ANKRD31: variants seen among roughly 807,000 people sequenced by gnomAD.
ANKRD31 encodes the protein ankyrin repeat domain-containing protein 31.
Under a neutral mutation model 186.0 loss-of-function variants are expected in ANKRD31, and 147 were observed. The observed-to-expected ratio is 0.79, with a 90% CI of 0.69 to 0.91. ANKRD31 has a LOEUF of 0.91. Among genes scored for constraint, ANKRD31 ranks in the 40% least tolerant of loss-of-function variants. ANKRD31 has a pLI of 0.00. For missense variants in ANKRD31, 1,986 were observed against 2,148.8 expected (o/e 0.92, Z 1.50); for synonymous variants, 673 against 736.4 (o/e 0.91, Z 1.39).
chr5:75,088,666 G>C (rs1279767820), intron 23 of ANKRD31, among the ~76,000 whole-genome samples: 1 of 152,178 alleles, frequency 6.6e-6, no homozygotes, highest in Admixed American at 6.5e-5. Flanking sequence ...CATAAATACA[G>C]AAAAGAATGT....
rs1747205543 is a variant in ANKRD31 at position 75,104,897 on chromosome 5, AT to A, written c.4661del (p.Asn1554IlefsTer6). 1 of 1,537,086 alleles carries A rather than the reference AT, an allele frequency of 6.5e-7. No individual in the cohort carries two copies. Among genetic ancestry groups the A allele is most frequent in the Non-Finnish European group, 8.7e-7 (1 of 1,146,890 alleles). The stretch of plus-strand genomic sequence containing the variant: ...CCTCTGAATTTAGACAAATGTTGGT[AT>A]TTTGGCTGTAGTTCCAAGTTTCCAG... ...LSLETWNYSQ[N>X]TNICLNSEAV... On this transcript the variant is annotated frameshift_variant, in exon 22 of 26. Transcript: ENST00000506364. LOFTEE classifies it high-confidence loss of function.
chr5:75,160,244 T>C (rs1372340554), intron 11 of ANKRD31, among the ~76,000 whole-genome samples: 1 of 152,158 alleles, frequency 6.6e-6, no homozygotes, highest in Non-Finnish European at 1.5e-5. Flanking sequence ...ACAATGTTTC[T>C]ATATCTCACT....
intron 16 of ANKRD31, 73 bp from the exon 17 acceptor site, chr5:75,138,071 A>T: frequency 7.8e-7 from 1 of 1,283,334 alleles, no homozygotes; most frequent in Non-Finnish European, 1.0e-6. Flanking sequence ...TGTATTACTA[A>T]GGTTTTGTTG....
At chr5:75,081,562 C>A (rs1489561301) in intron 24 of ANKRD31, among the ~76,000 whole-genome samples, 1 of 152,086 alleles carries the variant, frequency 6.6e-6, no homozygotes, top group African/African-American at 2.4e-5. Context: ...GAACAGATGA[C>A]CTTCATGATA....
chr5:75,107,462 T>A (rs1747418805), intron 21 of ANKRD31, 59 bp downstream of exon 21: 7 of 1,217,446 alleles, frequency 5.7e-6, no homozygotes, highest in Admixed American at 5.2e-5. Flanking sequence ...CTATTGCAGC[T>A]AAAAATGGAT....
intron 5 of ANKRD31, among the ~76,000 whole-genome samples, chr5:75,204,242 T>C (rs1398101727): frequency 1.3e-5 from 2 of 152,200 alleles, no homozygotes; most frequent in East Asian, 3.8e-4. Flanking sequence ...CATTCTTCTT[T>C]ATTTCTATAC....
At chr5:75,180,308 C>T (rs1561510807) in intron 10 of ANKRD31, among the ~76,000 whole-genome samples, 1 of 152,058 alleles carries the variant, frequency 6.6e-6, no homozygotes, top group Non-Finnish European at 1.5e-5. Flanking sequence ...GCCATACTGC[C>T]CAAGGTAATT....
intron 11 of ANKRD31, among the ~76,000 whole-genome samples, chr5:75,166,442 G>A (rs1752928343): frequency 6.6e-6 from 1 of 152,148 alleles, no homozygotes; most frequent in Non-Finnish European, 1.5e-5. Flanking sequence ...CTACACTCCA[G>A]CCTGGGTGAT....
At chr5:75,081,013 C>G (rs1434197889) in intron 24 of ANKRD31, among the ~76,000 whole-genome samples, 2 of 152,104 alleles carry the variant, frequency 1.3e-5, no homozygotes, top group African/African-American at 4.8e-5. Context: ...GAAAGATTCT[C>G]TCCTGAGAGT....
rs552061904 is a variant in ANKRD31 at position 75,140,547 on chromosome 5, T to C, written c.3596-1564A>G. Among the ~76,000 whole-genome samples the C allele has an allele frequency of 3.3e-5, 5 of 152,342 alleles. No individual in the cohort carries two copies. The East Asian group carries it at 7.7e-4, about 24-fold the overall frequency. On this transcript the variant is annotated intron_variant, in intron 15 of 25. Transcript: ENST00000506364. ...AATGATCCTCACCATCTGGTATTTA[T>C]GACTTTGTGTACTCTTCTTCTCTTG... is the stretch of plus-strand genomic sequence containing the variant.
At position 75,226,411 on chromosome 5, in the gene ANKRD31, C is replaced by T. The variant is rs184140464; in HGVS notation, c.179-4053G>A. Among the ~76,000 whole-genome samples, 164 of 152,226 alleles carry T rather than the reference C, an allele frequency of 1.1e-3. 1 individual carries two copies. Among genetic ancestry groups the T allele is most frequent in the Middle Eastern group, 0.01 (3 of 294 alleles). On this transcript the variant is annotated intron_variant, in intron 2 of 25. Transcript: ENST00000506364. The stretch of plus-strand genomic sequence containing the variant: ...TGGTGGCTATAGGGGTACTCCACGT[C>T]TGTCCCAGTGGTGGTAGCCACAGGA...
At chr5:75,093,175 A>G (rs1746055110) in intron 22 of ANKRD31, among the ~76,000 whole-genome samples, 1 of 152,190 alleles carries the variant, frequency 6.6e-6, no homozygotes, top group Non-Finnish European at 1.5e-5. Context: ...TTGAAGAAAT[A>G]TATGCCTAAA....
intron 1 of ANKRD31, among the ~76,000 whole-genome samples, chr5:75,231,538 G>A (rs1580605974): frequency 6.6e-6 from 1 of 152,016 alleles, no homozygotes; most frequent in Admixed American, 6.5e-5. Flanking sequence ...ATGCTATTAG[G>A]CAAACTAAAA....
At position 75,105,846 on chromosome 5, in the gene ANKRD31, T is replaced by C. The variant is rs562793848; in HGVS notation, c.4341-628A>G. On this transcript the variant is annotated intron_variant, in intron 21 of 25. Transcript: ENST00000506364. The stretch of plus-strand genomic sequence containing the variant: ...GAGGAAAGCATCATTCTGTGTGTCT[T>C]CCCCAAACTGAATTTCTCAAGACCT... Among the ~76,000 whole-genome samples, 13 of 152,258 alleles carry C rather than the reference T, an allele frequency of 8.5e-5. No homozygotes were observed. In the East Asian group the frequency reaches 2.5e-3, roughly 29 times the overall value.
intron 20 of ANKRD31, among the ~76,000 whole-genome samples, chr5:75,107,840 C>T (rs1747458537): frequency 6.6e-6 from 1 of 152,016 alleles, no homozygotes; most frequent in African/African-American, 2.4e-5. Flanking sequence ...GTAGGCCAGC[C>T]TGAGTTCTAA....
At chr5:75,163,813 C>G (rs1752737943) in intron 11 of ANKRD31, among the ~76,000 whole-genome samples, 1 of 152,176 alleles carries the variant, frequency 6.6e-6, no homozygotes, top group Non-Finnish European at 1.5e-5. Context: ...AAGGGGCCTA[C>G]TGTTTAAGCT....
chr5:75,139,625 A>G (rs1750860050), intron 15 of ANKRD31, among the ~76,000 whole-genome samples: 1 of 152,218 alleles, frequency 6.6e-6, no homozygotes, highest in Non-Finnish European at 1.5e-5. Flanking sequence ...AGAGGAAACA[A>G]TAAAGGACAA....
Position 75,186,734 on chromosome 5 carries a change from CA to C in ANKRD31, c.1564+1758del, listed in dbSNP as rs1423957585. ...CTGCAATTTGTTTTTTAATCAAAGA[CA>C]AAAATATCATAAAACGTAAATGAGG... On this transcript the variant is annotated intron_variant, in intron 10 of 25. Coordinates refer to ENST00000506364, the MANE Select transcript of ANKRD31 (RefSeq NM_001372053.1). Among the ~76,000 whole-genome samples the C allele has an allele frequency of 6.6e-5, 10 of 151,920 alleles. No homozygotes were observed. In the South Asian group the frequency reaches 2.1e-3, roughly 32 times the overall value.
intron 2 of ANKRD31, among the ~76,000 whole-genome samples, chr5:75,227,806 A>T (rs116234455): frequency 0.015 from 2,303 of 152,314 alleles, 62 homozygotes; most frequent in African/African-American, 0.053. Context: ...GGTAAGCAGC[A>T]GGCAAGCCAG....
Sources: allele counts gnomAD v4.1 joint callset (sites outside exome capture counted in the v4.1 genomes callset), GRCh38; gene constraint gnomAD v4.1.1; transcripts MANE v1.5; gene names NCBI Gene and HGNC (gene_info 2026-07-23, HGNC 2026-07-21).